Variants in CX3CL1 observed in about 807,000 individuals in gnomAD.
CX3CL1 encodes C-X3-C motif chemokine ligand 1, also known as fractalkine.
CX3CL1 carries 1 observed loss-of-function variant against 14.1 expected under a neutral mutation model. The observed-to-expected ratio is 0.07, with a 90% CI of 0.03 to 0.34. CX3CL1 has a LOEUF of 0.34. Among genes scored for constraint, CX3CL1 ranks in the 10% least tolerant of loss-of-function variants. The pLI is 0.99. For missense variants in CX3CL1, 505 were observed against 536.4 expected (o/e 0.94, Z 0.58); for synonymous variants, 255 against 229.6 (o/e 1.11, Z -1.00).
At chr16:57,379,863 C>T in intron 2 of CX3CL1, 109 bp downstream of exon 2, 1 of 1,324,842 alleles carries the variant, frequency 7.5e-7, no homozygotes. Flanking sequence ...GGCTCCCAGC[C>T]AAAGGCCTCA....
Position 57,382,740 on chromosome 16 carries a change from C to T in CX3CL1, c.902C>T (p.Pro301Leu). 6.2e-7 allele frequency: 1 copy of T among 1,612,610 alleles called. No individual in the cohort carries two copies. The highest frequency in any genetic ancestry group is 8.5e-7 in the Non-Finnish European group (1 of 1,179,734). The change falls in exon 3 of 3, where the codon CCA becomes CTA. Residue 301 changes from proline (P) to leucine (L), a missense_variant. Transcript: ENST00000006053. The surrounding 1 kb of genome is among the most constrained non-coding windows in gnomAD (Gnocchi z 6.9). ...VSSEGTPSRE[P>L]VASGSWTPKA... ...TCAGAAGGGACCCCCAGCAGGGAGC[C>T]AGTGGCTTCAGGCAGCTGGACCCCT... is the stretch of plus-strand genomic sequence containing the variant.
chr16:57,382,473 A>T lies in CX3CL1; in HGVS notation c.635A>T (p.Glu212Val), dbSNP rs770431118. ...CAACCTGGGCCCAGCCTCTGGGCTG[A>T]GGCAAAGACCTCTGAGGCCCCGTCC... ...PHQPGPSLWA[E>V]AKTSEAPSTQ... The change falls in exon 3 of 3, where the codon GAG (glutamate) becomes GTG (valine). Residue 212 changes from glutamate (E) to valine (V), a missense_variant. Transcript: ENST00000006053. The surrounding 1 kb of genome is among the most constrained non-coding windows in gnomAD (Gnocchi z 6.9). 3.7e-6 allele frequency: 6 copies of T among 1,612,748 alleles called. No individual in the cohort carries two copies. In the South Asian group the frequency reaches 6.6e-5, roughly 18 times the overall value.
At chr16:57,374,866 C>T (rs683544) in intron 1 of CX3CL1, among the ~76,000 whole-genome samples, 69,130 of 152,010 alleles carry the variant, frequency 0.45, 18,288 homozygotes, top group East Asian at 0.61. Flanking sequence ...GGTGGCTGGG[C>T]GCAGGGGCTC....
rs751730918 is a variant in CX3CL1 at position 57,382,344 on chromosome 16, T to C, written c.506T>C (p.Leu169Pro). Residue 169 changes from leucine to proline, a missense_variant, in exon 3 of 3, where the codon CTC (leucine) becomes CCC (proline). By Grantham distance (98) the Leu-to-Pro change is moderately conservative. Coordinates refer to ENST00000006053, the MANE Select transcript of CX3CL1 (RefSeq NM_002996.6). This position sits in a 1 kb window ranked among gnomAD's most constrained non-coding sequence, Gnocchi z 6.9. ...GTGACTGGTTCCTCAGGGACCAGGC[T>C]CCCCCCGACGCCAAAGGCTCAGGAT... Reference protein sequence around the residue: ...TGVTGSSGTRLPPTPKAQDGG... With the variant: ...TGVTGSSGTRPPPTPKAQDGG... 16 of 1,601,720 alleles carry C rather than the reference T, an allele frequency of 1.0e-5. No homozygotes were observed. The African/African-American group carries it at 2.1e-4, about 22-fold the overall frequency.
At position 57,382,828 on chromosome 16, in the gene CX3CL1, T is replaced by C. The variant is rs1902350993; in HGVS notation, c.990T>C (p.Pro330=). 1.3e-6 allele frequency: 2 copies of C among 1,571,270 alleles called. No individual in the cohort carries two copies. The highest frequency in any genetic ancestry group is 8.7e-7 in the Non-Finnish European group (1 of 1,154,960). The change falls in exon 3 of 3, where the codon CCT becomes CCC. Residue 330 remains proline, a synonymous_variant. Coordinates refer to ENST00000006053, the MANE Select transcript of CX3CL1 (RefSeq NM_002996.6). This position sits in a 1 kb window ranked among gnomAD's most constrained non-coding sequence, Gnocchi z 6.9. The part of the protein sequence containing the change: ...DPQRLGVLIT[P]VPDAQAATRR... ...AGAGGCTGGGCGTCCTTATCACTCC[T>C]GTCCCTGACGCCCAGGCTGCCACCC... is the stretch of plus-strand genomic sequence containing the variant.
Position 57,382,744 on chromosome 16 carries a change from G to A in CX3CL1, c.906G>A (p.Val302=), listed in dbSNP as rs758275490. 4.3e-6 allele frequency: 7 copies of A among 1,612,378 alleles called. No individual in the cohort carries two copies. In the East Asian group the frequency reaches 1.1e-4, roughly 26 times the overall value. Residue 302 remains valine (V), a synonymous_variant, in exon 3 of 3, where the codon GTG becomes GTA. Transcript: ENST00000006053. This position sits in a 1 kb window ranked among gnomAD's most constrained non-coding sequence, Gnocchi z 6.9. ...AAGGGACCCCCAGCAGGGAGCCAGT[G>A]GCTTCAGGCAGCTGGACCCCTAAGG... ...SSEGTPSREP[V]ASGSWTPKAE...
At position 57,379,872 on chromosome 16, in the gene CX3CL1, C is replaced by T. The variant is rs1902296406; in HGVS notation, c.191+118C>T. On this transcript the variant is annotated intron_variant, in intron 2 of 2. Coordinates refer to ENST00000006053, the MANE Select transcript of CX3CL1 (RefSeq NM_002996.6). The stretch of plus-strand genomic sequence containing the variant: ...GACCTGGGCTCCCAGCCAAAGGCCT[C>T]AGCACACGCTTCTCTTGCCCCTGGC... 7 of 1,209,796 alleles carry T rather than the reference C, an allele frequency of 5.8e-6. No individual in the cohort carries two copies. The African/African-American group carries it at 7.5e-5, about 13-fold the overall frequency. 74.9% of individuals were successfully genotyped at this position (1,209,796 alleles called of 1,614,324 possible). A position where few individuals can be genotyped will look rare whatever the true frequency, so the allele number is the denominator to read the frequency against.
At chr16:57,380,839 G>T (rs118190129) in intron 2 of CX3CL1, among the ~76,000 whole-genome samples, 2 of 152,140 alleles carry the variant, frequency 1.3e-5, no homozygotes, top group Non-Finnish European at 2.9e-5. Context: ...AGACCTAGAG[G>T]CCGGGCAGCA....
intron 2 of CX3CL1, among the ~76,000 whole-genome samples, 178 bp from the exon 3 acceptor site, chr16:57,381,852 A>G (rs116792508): frequency 0.016 from 2,372 of 152,180 alleles, 71 homozygotes; most frequent in African/African-American, 0.054. Flanking sequence ...GAGGACCTGG[A>G]TGCTCAGGAG....
At chr16:57,380,323 C>T (rs1326570376) in intron 2 of CX3CL1, among the ~76,000 whole-genome samples, 2 of 152,100 alleles carry the variant, frequency 1.3e-5, no homozygotes, top group South Asian at 2.1e-4. Context: ...TTTTGAAGGC[C>T]GAGGTTGGTG....
At position 57,382,314 on chromosome 16, in the gene CX3CL1, C is replaced by A; in HGVS notation, c.476C>A (p.Thr159Lys). ...CTGGGGACCTCCCCAGAGCTGCCGA[C>A]GGGCGTGACTGGTTCCTCAGGGACC... is the stretch of plus-strand genomic sequence containing the variant. ...RALGTSPELPTGVTGSSGTRL... is the reference protein window; with the variant it reads ...RALGTSPELPKGVTGSSGTRL... Residue 159 changes from threonine (T) to lysine (K), a missense_variant, in exon 3 of 3, where the codon ACG (threonine) becomes AAG (lysine). By Grantham distance (78) the Thr-to-Lys change is moderately conservative (BLOSUM62 -1). Coordinates refer to ENST00000006053, the MANE Select transcript of CX3CL1 (RefSeq NM_002996.6). The surrounding 1 kb of genome is among the most constrained non-coding windows in gnomAD (Gnocchi z 6.9). 2 of 1,605,388 alleles carry A rather than the reference C, an allele frequency of 1.2e-6. No individual in the cohort carries two copies. Among genetic ancestry groups the A allele is most frequent in the Non-Finnish European group, 1.7e-6 (2 of 1,176,052 alleles).
chr16:57,373,405 G>A (rs750147989), intron 1 of CX3CL1, among the ~76,000 whole-genome samples: 1 of 152,218 alleles, frequency 6.6e-6, no homozygotes, highest in African/African-American at 2.4e-5. Context: ...GCAGGAGAAG[G>A]TAAGACACAT....
In CX3CL1 at chr16:57,374,367, C is replaced by T. The variant is rs1206331015; in HGVS notation, c.70+1729C>T. ...AGGCTTCTGTACTTTATATAACAAA[C>T]CTGCAGCTACGAGTCAGTGCAGAGC... On this transcript the variant is annotated intron_variant, in intron 1 of 2. Coordinates refer to ENST00000006053, the MANE Select transcript of CX3CL1 (RefSeq NM_002996.6). Among the ~76,000 whole-genome samples, 8 of 152,164 alleles carry T rather than the reference C, an allele frequency of 5.3e-5. No individual in the cohort carries two copies. The East Asian group carries it at 1.5e-3, about 29-fold the overall frequency.
Position 57,379,754 on chromosome 16 carries a change from T to C in CX3CL1, c.191T>C (p.Ile64Thr), listed in dbSNP as rs889571566. The C allele has an allele frequency of 6.2e-7, 1 of 1,614,230 alleles. No homozygotes were observed. Among genetic ancestry groups the C allele is most frequent in the African/African-American group, 1.3e-5 (1 of 75,072 alleles). The change falls in exon 2 of 3, where the codon ATC becomes ACC. Residue 64 changes from isoleucine to threonine, a missense_variant and splice_region_variant. Transcript: ENST00000006053. ...GCATCATGCGGCAAACGCGCAATCATGTAGGTACTGCCCTCGAGGCCTCTG... is the reference window on the plus strand; with the variant it reads ...GCATCATGCGGCAAACGCGCAATCACGTAGGTACTGCCCTCGAGGCCTCTG... The part of the protein sequence containing the change: ...NQASCGKRAI[I>T]LETRQHRLFC...
At chr16:57,372,798 C>T (rs932291222) in intron 1 of CX3CL1, among the ~76,000 whole-genome samples, 160 bp downstream of exon 1, 8 of 152,208 alleles carry the variant, frequency 5.3e-5, no homozygotes, top group East Asian at 1.9e-4. Context: ...CTGGGCACCT[C>T]GCTTCCCCCA....
chr16:57,373,507 GGA>G (rs1902206574), intron 1 of CX3CL1, among the ~76,000 whole-genome samples: 1 of 152,174 alleles, frequency 6.6e-6, no homozygotes, highest in African/African-American at 2.4e-5. Context: ...CCCTCCTCAG[GGA>G]GTGCCCCCAC....
Position 57,382,902 on chromosome 16 carries a change from T to TG in CX3CL1, c.1069dup (p.Val357GlyfsTer33). On this transcript the variant is annotated frameshift_variant, in exon 3 of 3. Transcript: ENST00000006053. LOFTEE classifies it high-confidence loss of function. The surrounding 1 kb of genome is among the most constrained non-coding windows in gnomAD (Gnocchi z 6.9). ...GCCTTCCTTGGCCTCCTCTTCTGCCTGGGGGTGGCCATGTTCACCTACCAG... is the reference window on the plus strand; with the variant it reads ...GCCTTCCTTGGCCTCCTCTTCTGCCTGGGGGGTGGCCATGTTCACCTACCAG... 6.4e-7 allele frequency: 1 copy of TG among 1,554,102 alleles called. No individual in the cohort carries two copies. Among genetic ancestry groups the TG allele is most frequent in the East Asian group, 2.3e-5 (1 of 44,052 alleles).
chr16:57,379,387 T>C (rs572164673), intron 1 of CX3CL1: 10 of 502,464 alleles, frequency 2.0e-5, no homozygotes, highest in Non-Finnish European at 3.5e-5. Context: ...TAAATAAGAA[T>C]TCACGTTTCT....
chr16:57,382,258 G>A lies in CX3CL1; in HGVS notation c.420G>A (p.Pro140=), dbSNP rs370435863. ...CAGGCGAAAGCAGTAGCCTGGAGCC[G>A]ACTCCTTCTTCCCAGGAAGCACAGA... ...EATGESSSLE[P]TPSSQEAQRA... Residue 140 remains proline, a synonymous_variant, in exon 3 of 3, where the codon CCG becomes CCA. Transcript: ENST00000006053. This position sits in a 1 kb window ranked among gnomAD's most constrained non-coding sequence, Gnocchi z 6.9. 16 of 1,609,396 alleles carry A rather than the reference G, an allele frequency of 9.9e-6. No individual in the cohort carries two copies. The highest frequency in any genetic ancestry group is 4.4e-5 in the South Asian group (4 of 90,924).
Sources: gnomAD v4.1 joint callset for allele counts (sites outside exome capture counted in the v4.1 genomes callset) on GRCh38, gnomAD v4.1.1 for gene constraint, Gnocchi (gnomAD v3.1) non-coding constraint, MANE v1.5 for transcripts, NCBI Gene and HGNC (gene_info 2026-07-23, HGNC 2026-07-21) for gene names.